QTGAL: variants seen among roughly 807,000 people sequenced by gnomAD.
QTGAL encodes the protein queuosine-tRNA galactosyltransferase, also known as BGnT-like protein 1.
chr17:82,953,842 A>C, the QTGAL span, among the ~76,000 whole-genome samples: 4 of 152,230 alleles, frequency 2.6e-5, no homozygotes, highest in Admixed American at 1.3e-4. Context: ...AGGCTGGTTC[A>C]ATATACGCAA....
At chr17:83,007,987 G>A in the QTGAL span, among the ~76,000 whole-genome samples, 32 of 146,832 alleles carry the variant, frequency 2.2e-4, no homozygotes, top group Admixed American at 2.0e-4. Flanking sequence ...GACCAACAGC[G>A]CCCAGCCGCG....
At chr17:83,021,956 A>T in the QTGAL span, among the ~76,000 whole-genome samples, 61 of 152,334 alleles carry the variant, frequency 4.0e-4, 1 homozygote, top group East Asian at 9.4e-3. Flanking sequence ...ATAATTCCAC[A>T]GAGAAAGAAC....
the QTGAL span, among the ~76,000 whole-genome samples, chr17:82,969,444 G>T: frequency 5.3e-5 from 8 of 151,878 alleles, no homozygotes; most frequent in East Asian, 2.0e-4. Flanking sequence ...CCTGGCCTCA[G>T]GTGATCCACC....
the QTGAL span, among the ~76,000 whole-genome samples, chr17:82,999,493 C>T: frequency 1.3e-5 from 2 of 152,166 alleles, no homozygotes; most frequent in African/African-American, 2.4e-5. Context: ...GTTTTAACTC[C>T]CCGAAAATTT....
At chr17:82,977,938 A>G in the QTGAL span, among the ~76,000 whole-genome samples, 1 of 152,204 alleles carries the variant, frequency 6.6e-6, no homozygotes, top group Admixed American at 6.5e-5. Flanking sequence ...ACCGATGTGC[A>G]CTCCTGTTTT....
At chr17:82,972,347 C>T in the QTGAL span, among the ~76,000 whole-genome samples, 3 of 139,322 alleles carry the variant, frequency 2.2e-5, no homozygotes, top group Non-Finnish European at 4.6e-5. Flanking sequence ...ACTGACCACA[C>T]CACACCACAG....
chr17:82,978,683 A>AT, the QTGAL span: 2 of 152,052 alleles, frequency 1.3e-5, no homozygotes, highest in East Asian at 1.9e-4. The surrounding 1 kb of genome is among the most constrained non-coding windows in gnomAD (Gnocchi z 4.8). Context: ...ACTTCCTTCT[A>AT]TTTTTTAAAA....
At chr17:82,956,722 C>A in the QTGAL span, 2 of 1,588,788 alleles carry the variant, frequency 1.3e-6, no homozygotes. The surrounding 1 kb of genome is among the most constrained non-coding windows in gnomAD (Gnocchi z 5.7). Flanking sequence ...CGAAGGGTGG[C>A]CGGGCGGCTC....
the QTGAL span, chr17:82,946,772 T>G: frequency 6.5e-6 from 6 of 919,894 alleles, no homozygotes; most frequent in South Asian, 1.8e-5. Flanking sequence ...GAGCTGAACA[T>G]AAGCAGAGGA....
the QTGAL span, among the ~76,000 whole-genome samples, chr17:82,954,989 A>G: frequency 6.6e-6 from 1 of 152,238 alleles, no homozygotes; most frequent in Non-Finnish European, 1.5e-5. Flanking sequence ...CTCAAGATGG[A>G]TTAAAGACTT....
chr17:82,974,887 C>A, the QTGAL span, among the ~76,000 whole-genome samples: 1 of 152,142 alleles, frequency 6.6e-6, no homozygotes, highest in African/African-American at 2.4e-5. Context: ...ACTCCATCCT[C>A]CCAGGGGCCG....
chr17:82,966,358 C>T, the QTGAL span, among the ~76,000 whole-genome samples: 24 of 152,038 alleles, frequency 1.6e-4, no homozygotes, highest in African/African-American at 1.5e-4. Context: ...CCTGGCTCAA[C>T]GGAGATTCTA....
chr17:82,973,681 T>C, the QTGAL span, among the ~76,000 whole-genome samples: 1 of 152,064 alleles, frequency 6.6e-6, no homozygotes, highest in African/African-American at 2.4e-5. Flanking sequence ...AACCACACAC[T>C]GAGTTCGGAG....
At chr17:83,032,911 C>T in the QTGAL span, among the ~76,000 whole-genome samples, 60,605 of 152,058 alleles carry the variant, frequency 0.4, 13,154 homozygotes, top group East Asian at 0.61. Flanking sequence ...CCCAAACTTC[C>T]ACATGTACCA....
chr17:82,951,970 G>T, the QTGAL span, among the ~76,000 whole-genome samples: 4 of 152,070 alleles, frequency 2.6e-5, no homozygotes, highest in Non-Finnish European at 2.9e-5. Context: ...CGTGGAGATG[G>T]GGAGACGTGG....
At chr17:82,961,356 G>A in the QTGAL span, 83 of 575,488 alleles carry the variant, frequency 1.4e-4, no homozygotes, top group African/African-American at 7.0e-4. Context: ...CACAACAGAC[G>A]TGAGCAACCG....
chr17:83,013,604 G>A, the QTGAL span, among the ~76,000 whole-genome samples: 1 of 150,644 alleles, frequency 6.6e-6, no homozygotes, highest in Non-Finnish European at 1.5e-5. Context: ...AGACCCTGCC[G>A]TGACCAGGCC....
At chr17:83,023,536 A>G in the QTGAL span, among the ~76,000 whole-genome samples, 15 of 152,392 alleles carry the variant, frequency 9.8e-5, no homozygotes, top group East Asian at 2.9e-3. Context: ...GGAAAAACAC[A>G]CTTCCTCACT....
At chr17:83,028,503 C>A in the QTGAL span, among the ~76,000 whole-genome samples, 2 of 131,932 alleles carry the variant, frequency 1.5e-5, no homozygotes, top group African/African-American at 3.0e-5. Flanking sequence ...CCAGCCTGGG[C>A]GACAGCGAGA....
Sources: gnomAD v4.1 joint callset for allele counts (sites outside exome capture counted in the v4.1 genomes callset) on GRCh38, gnomAD v4.1.1 for gene constraint, Gnocchi (gnomAD v3.1) non-coding constraint, MANE v1.5 for transcripts, NCBI Gene and HGNC (gene_info 2026-07-23, HGNC 2026-07-21) for gene names.